C10orf105: variants seen among roughly 807,000 people sequenced by gnomAD.
The protein encoded by C10orf105 is chromosome 10 open reading frame 105, also known as uncharacterized protein C10orf105.
C10orf105 carries 2 observed loss-of-function variants against 0.6 expected under a neutral mutation model. The observed-to-expected ratio is 3.18, with a 90% CI of 1.30 to 10.01. The LOEUF (loss-of-function observed/expected upper bound fraction) is 10.01. C10orf105 is among the 30% of genes most tolerant of loss of function. The pLI is 0.04. For missense variants in C10orf105, 209 were observed against 191.4 expected, an observed-to-expected ratio of 1.09 and a Z score of -0.54; for synonymous variants, 95 against 82.4, an observed-to-expected ratio of 1.15 and a Z score of -0.83.
intron 1 of C10orf105, among the ~76,000 whole-genome samples, chr10:71,725,171 A>G (rs940601547): frequency 2.0e-5 from 3 of 152,198 alleles, no homozygotes; most frequent in African/African-American, 7.2e-5. Flanking sequence ...GGTGAAACGC[A>G]TTGGGGATGG....
chr10:71,717,534 A>G (rs937482155), intron 1 of C10orf105: 5 of 152,294 alleles, frequency 3.3e-5, no homozygotes, highest in African/African-American at 1.2e-4. Context: ...GTCCTTGTCG[A>G]TGGAAAACCA....
At chr10:71,724,362 G>A (rs574186417), upstream of C10orf105, among the ~76,000 whole-genome samples, 16 of 152,226 alleles carry the variant, frequency 1.1e-4, no homozygotes, top group African/African-American at 2.6e-4. Context: ...GCGTGATCTC[G>A]GCCTACTGCA....
intron 1 of C10orf105, among the ~76,000 whole-genome samples, chr10:71,728,009 C>T (rs1048157883): frequency 2.0e-5 from 3 of 152,196 alleles, no homozygotes; most frequent in African/African-American, 7.2e-5. Flanking sequence ...CCCCAGCTCC[C>T]TGCCACCTCT....
intron 1 of C10orf105, among the ~76,000 whole-genome samples, chr10:71,726,373 T>C (rs550715575): frequency 6.6e-6 from 1 of 152,188 alleles, no homozygotes; most frequent in Non-Finnish European, 1.5e-5. Flanking sequence ...TCCCCCAGGC[T>C]GGAAACAATG....
rs1866147818 is a variant in C10orf105, at chr10:71,715,055, T to C, written c.*881A>G. 6.6e-6 allele frequency: 1 copy of C among 152,290 alleles called. No homozygotes were observed. Among genetic ancestry groups the C allele is most frequent in the South Asian group, 2.1e-4 (1 of 4,830 alleles). 9.4% of individuals were successfully genotyped at this position (152,290 alleles called of 1,614,324 possible). On this transcript the variant is annotated 3_prime_UTR_variant, in exon 2 of 2. Transcript: ENST00000441508. ...AGGACTTGGGACCCCACAGCTGTCC[T>C]GGAGAGGTCCAGACCATCCCACCCT...
chr10:71,737,815 G>A (rs926405882), exon 1 of C10orf105: 1 of 467,396 alleles, frequency 2.1e-6, no homozygotes, highest in African/African-American at 2.0e-5. Context: ...CTCTCCACAA[G>A]AAGCCCGAGC....
In C10orf105 at chr10:71,715,984, G is replaced by A. The variant is rs1460179282; in HGVS notation, c.354C>T (p.Pro118=). ...PTVPRQPLPG[P]EDNRSHCDYM... ...AGTCACAGTGGCTGCGGTTGTCCTCGGGGCCCGGCAGGGGCTGTCGAGGGA... is the reference window on the plus strand; with the variant it reads ...AGTCACAGTGGCTGCGGTTGTCCTCAGGGCCCGGCAGGGGCTGTCGAGGGA... The change falls in exon 2 of 2, where the codon CCC becomes CCT. Residue 118 remains proline (P), a synonymous_variant. Transcript: ENST00000441508. The A allele has an allele frequency of 7.4e-6, 11 of 1,491,524 alleles. No homozygotes were observed. The highest frequency in any genetic ancestry group is 1.8e-4 in the Middle Eastern group (1 of 5,700). The allele number at this position is 1,491,524 out of a possible 1,614,324, so 92.4% of individuals were successfully genotyped here. A position where few individuals can be genotyped will look rare whatever the true frequency, so the allele number is the denominator to read the frequency against.
chr10:71,711,801 T>C lies in C10orf105; in HGVS notation c.*4135A>G, dbSNP rs914859999. 2 of 152,104 alleles carry C rather than the reference T, an allele frequency of 1.3e-5. No homozygotes were observed. Among genetic ancestry groups the C allele is most frequent in the Non-Finnish European group, 2.9e-5 (2 of 68,006 alleles). The allele number at this position is 152,104 out of a possible 1,614,324, so 9.4% of individuals were successfully genotyped here. ...TGTCTCTGGGCCCACATTCTGCCTG[T>C]CCGCTGTGGACTGGAGTGGAGGACA... On this transcript the variant is annotated 3_prime_UTR_variant, in exon 2 of 2. Coordinates refer to ENST00000441508, the MANE Select transcript of C10orf105 (RefSeq NM_001164375.3).
Position 71,734,648 on chromosome 10 carries a change from G to T in C10orf105, c.-6+3080C>A, listed in dbSNP as rs748187466. On this transcript the variant is annotated intron_variant, in intron 1 of 1. Transcript: ENST00000398786. Reference sequence around the variant, plus strand: ...TCACTCCCCTCCTGCTGCTGCCTCTGCCTACAGAAGGTGAGTAGCCTGTGG... The same window carrying T: ...TCACTCCCCTCCTGCTGCTGCCTCTTCCTACAGAAGGTGAGTAGCCTGTGG... 4.7e-6 allele frequency: 7 copies of T among 1,479,824 alleles called. No homozygotes were observed. In the Admixed American group the frequency reaches 1.3e-4, roughly 27 times the overall value. The allele number at this position is 1,479,824 out of a possible 1,614,324, so 91.7% of individuals were successfully genotyped here. A position where few individuals can be genotyped will look rare whatever the true frequency, so the allele number is the denominator to read the frequency against.
intron 1 of C10orf105, among the ~76,000 whole-genome samples, chr10:71,736,903 G>C (rs1373700062): frequency 1.3e-5 from 2 of 152,202 alleles, no homozygotes; most frequent in Non-Finnish European, 2.9e-5. Context: ...GGGCTTCCCT[G>C]AGGAAGGGAC....
chr10:71,724,249 G>C, upstream of C10orf105: 1 of 800,056 alleles, frequency 1.2e-6, no homozygotes, highest in East Asian at 2.7e-5. Context: ...GGAGGAAACA[G>C]GGACATTCTC....
At chr10:71,736,190 T>C (rs978342342) in intron 1 of C10orf105, among the ~76,000 whole-genome samples, 3 of 152,232 alleles carry the variant, frequency 2.0e-5, no homozygotes, top group South Asian at 2.1e-4. Context: ...TGCTTTGCCC[T>C]CTTCCGGTTA....
chr10:71,715,960 GT>G lies in C10orf105; in HGVS notation c.377del (p.Asp126AlafsTer66), dbSNP rs1866201072. On this transcript the variant is annotated frameshift_variant, in exon 2 of 2. Coordinates refer to ENST00000441508, the MANE Select transcript of C10orf105 (RefSeq NM_001164375.3). LOFTEE classifies it high-confidence loss of function. ...ATTACATCTTGGTAGATTCCATGTAGTCACAGTGGCTGCGGTTGTCCTCGGG... is the reference window on the plus strand; with the variant it reads ...ATTACATCTTGGTAGATTCCATGTAGCACAGTGGCTGCGGTTGTCCTCGGG... The part of the protein sequence containing the change: ...PGPEDNRSHC[D>X]YMESTKM 1 of 1,479,430 alleles carries G rather than the reference GT, an allele frequency of 6.8e-7. No homozygotes were observed. The highest frequency in any genetic ancestry group is 9.0e-7 in the Non-Finnish European group (1 of 1,115,170). 91.6% of individuals were successfully genotyped at this position (1,479,430 alleles called of 1,614,324 possible). A position where few individuals can be genotyped will look rare whatever the true frequency, so the allele number is the denominator to read the frequency against.
Position 71,713,421 on chromosome 10 carries a change from C to T in C10orf105, c.*2515G>A, listed in dbSNP as rs530541138. ...AGTCTCTTTACCAACTATGGGGTTT[C>T]CGACTCGGAGGCTGAGCCAAACAGG... On this transcript the variant is annotated 3_prime_UTR_variant, in exon 2 of 2. Coordinates refer to ENST00000441508, the MANE Select transcript of C10orf105 (RefSeq NM_001164375.3). 1 of 618,576 alleles carries T rather than the reference C, an allele frequency of 1.6e-6. No homozygotes were observed. Among genetic ancestry groups the T allele is most frequent in the African/African-American group, 1.8e-5 (1 of 54,514 alleles). The allele number at this position is 618,576 out of a possible 1,614,324, so 38.3% of individuals were successfully genotyped here. A position where few individuals can be genotyped will look rare whatever the true frequency, so the allele number is the denominator to read the frequency against.
chr10:71,734,530 G>T, intron 1 of C10orf105: 1 of 1,603,922 alleles, frequency 6.2e-7, no homozygotes, highest in Non-Finnish European at 8.5e-7. Flanking sequence ...TGAGACCTCA[G>T]GCAGGTGGAG....
rs768057359 is a variant in C10orf105, at chr10:71,713,210, C to T, written c.*2726G>A. 1.7e-5 allele frequency: 13 copies of T among 779,138 alleles called. No homozygotes were observed. Among genetic ancestry groups the T allele is most frequent in the Admixed American group, 5.1e-5 (3 of 58,938 alleles). 48.3% of individuals were successfully genotyped at this position (779,138 alleles called of 1,614,324 possible). A position where few individuals can be genotyped will look rare whatever the true frequency, so the allele number is the denominator to read the frequency against. On this transcript the variant is annotated 3_prime_UTR_variant, in exon 2 of 2. Transcript: ENST00000441508. ...GAGCTGCTTTCACAGAGCCCTTGGC[C>T]GAGGCTCCCCTCTTGGGAAGTAAAC...
intron 1 of C10orf105, among the ~76,000 whole-genome samples, chr10:71,737,144 G>A (rs1468696740): frequency 1.3e-5 from 2 of 152,096 alleles, no homozygotes; most frequent in African/African-American, 2.4e-5. Flanking sequence ...ATTTCAAATG[G>A]GCGGACTGGG....
chr10:71,732,696 T>C, intron 1 of C10orf105: 1 of 1,304,258 alleles, frequency 7.7e-7, no homozygotes, highest in Non-Finnish European at 9.8e-7. Context: ...TTTTCATATG[T>C]AGGAGTAAGA....
rs1839488621 is a variant in C10orf105, at chr10:71,734,292, C to T, written c.-6+3436G>A. On this transcript the variant is annotated intron_variant, in intron 1 of 1. Transcript: ENST00000398786. ...GACCGTGAGAAGGGCGACTTCTATA[C>T]CTTGACAGTGGTGGCAGATGACGGC... 1 of 1,612,616 alleles carries T rather than the reference C, an allele frequency of 6.2e-7. No individual in the cohort carries two copies.
Sources: gnomAD v4.1 joint callset for allele counts (sites outside exome capture counted in the v4.1 genomes callset) on GRCh38, gnomAD v4.1.1 for gene constraint, MANE v1.5 for transcripts, NCBI Gene and HGNC (gene_info 2026-07-23, HGNC 2026-07-21) for gene names.